The following NTRK3 variants were observed in gnomAD, a reference collection of about 807,000 sequenced individuals.
NTRK3 encodes the protein NT-3 growth factor receptor.
NTRK3 carries 24 observed loss-of-function variants against 91.7 expected under a neutral mutation model. The ratio of observed to expected loss-of-function variants is 0.26; its 90% confidence interval spans 0.19 to 0.37. The LOEUF (loss-of-function observed/expected upper bound fraction) is 0.37, where lower values mean the gene tolerates loss of function less well. Among genes scored for constraint, NTRK3 ranks in the 10% least tolerant of loss-of-function variants. The pLI, the probability that NTRK3 is intolerant of heterozygous loss-of-function variation, is 1.00. For synonymous variants in NTRK3, 483 were observed against 404.0 expected (o/e 1.20, Z -2.34); for missense variants, 880 against 1,068.9 (o/e 0.82, Z 2.46).
chr15:87,872,953 A>G (rs1034222764), exon 19 of NTRK3: 3 of 233,034 alleles, frequency 1.3e-5, no homozygotes, highest in Non-Finnish European at 2.5e-5. Context: ...AACTAATAGC[A>G]AAATCAGAAA....
At chr15:87,971,343 C>T (rs188208312) in intron 14 of NTRK3, among the ~76,000 whole-genome samples, 9 of 152,332 alleles carry the variant, frequency 5.9e-5, no homozygotes, top group African/African-American at 2.2e-4. Flanking sequence ...CTGTGCCCTC[C>T]TGGCCAGGGT....
At chr15:87,974,804 G>A (rs1280451354) in intron 14 of NTRK3, among the ~76,000 whole-genome samples, 2 of 152,296 alleles carry the variant, frequency 1.3e-5, no homozygotes, top group South Asian at 2.1e-4. Flanking sequence ...TGTCCCAAAA[G>A]TTCCAGAAGG....
chr15:87,946,384 G>A (rs1041598164), intron 14 of NTRK3: 2 of 152,234 alleles, frequency 1.3e-5, no homozygotes, highest in African/African-American at 4.8e-5. Flanking sequence ...TTATCCTGCT[G>A]TATGCCAAGC....
intron 13 of NTRK3, among the ~76,000 whole-genome samples, chr15:88,091,649 C>A (rs904026420): frequency 6.6e-6 from 1 of 152,096 alleles, no homozygotes; most frequent in African/African-American, 2.4e-5. Flanking sequence ...TTAGTGATGT[C>A]TGTCATGGGC....
intron 13 of NTRK3, chr15:88,072,864 C>A (rs1416254967): frequency 1.3e-5 from 3 of 232,556 alleles, no homozygotes; most frequent in African/African-American, 6.6e-5. Flanking sequence ...TATGCGTGTT[C>A]TTTTTCCTGG....
chr15:87,874,404 T>A (rs943609532), exon 19 of NTRK3: 1 of 230,292 alleles, frequency 4.3e-6, no homozygotes, highest in Admixed American at 5.7e-5. Flanking sequence ...AACTGCGGTC[T>A]CCTTCAGTGC....
At chr15:88,224,874 T>A (rs2050541201) in intron 3 of NTRK3, among the ~76,000 whole-genome samples, 1 of 152,220 alleles carries the variant, frequency 6.6e-6, no homozygotes, top group South Asian at 2.1e-4. Flanking sequence ...AGGCCCTCAC[T>A]CTTGGCACTG....
chr15:87,865,598 T>C lies in NTRK3; in HGVS notation c.*11337A>G, dbSNP rs1235614810. The C allele has an allele frequency of 1.4e-5, 3 of 217,182 alleles. No individual in the cohort carries two copies. In the East Asian group the frequency reaches 2.0e-4, roughly 15 times the overall value. 13.5% of individuals were successfully genotyped at this position (217,182 alleles called of 1,614,324 possible). ...TAAAAATCATTATCCCTTCAGATGC[T>C]CCCTGAAAAATTAGTTATACCACCA... is the stretch of plus-strand genomic sequence containing the variant. On this transcript the variant is annotated 3_prime_UTR_variant, in exon 19 of 19. Coordinates refer to ENST00000394480, the Ensembl canonical transcript of NTRK3.
chr15:88,055,975 A>C (rs2045636569), intron 13 of NTRK3, among the ~76,000 whole-genome samples: 1 of 152,048 alleles, frequency 6.6e-6, no homozygotes, highest in African/African-American at 2.4e-5. Flanking sequence ...ACTGGCAAAG[A>C]AAAGTGCCCC....
chr15:87,861,380 T>A (rs1392938926), exon 19 of NTRK3: 1 of 210,968 alleles, frequency 4.7e-6, no homozygotes, highest in East Asian at 7.1e-5. Context: ...AGCCTAGAGA[T>A]AAAGGGACAT....
chr15:87,936,100 C>A (rs759673816), intron 15 of NTRK3, among the ~76,000 whole-genome samples: 14 of 152,142 alleles, frequency 9.2e-5, no homozygotes, highest in Non-Finnish European at 1.5e-4. Flanking sequence ...TCCGTGGGGT[C>A]CACATTTAAC....
chr15:88,252,143 C>T (rs993688151), intron 3 of NTRK3, among the ~76,000 whole-genome samples: 4 of 152,134 alleles, frequency 2.6e-5, no homozygotes, highest in Non-Finnish European at 4.4e-5. Context: ...ATGTCAACAG[C>T]CCCTCACATT....
At chr15:88,018,456 C>G (rs1190898869) in intron 14 of NTRK3, among the ~76,000 whole-genome samples, 1 of 152,174 alleles carries the variant, frequency 6.6e-6, no homozygotes, top group African/African-American at 2.4e-5. Context: ...GAGTTTGAAT[C>G]CTGGCTCTAC....
intron 14 of NTRK3, among the ~76,000 whole-genome samples, chr15:87,943,752 G>A (rs1045299732): frequency 6.6e-6 from 1 of 152,066 alleles, no homozygotes; most frequent in African/African-American, 2.4e-5. Flanking sequence ...AGCATCCAGG[G>A]AGTGGTTTCT....
intron 17 of NTRK3, among the ~76,000 whole-genome samples, chr15:87,895,711 C>T (rs1379647164): frequency 1.3e-5 from 2 of 152,040 alleles, no homozygotes; most frequent in Admixed American, 6.6e-5. Context: ...ACAACCTGCT[C>T]GCTCTCTGAA....
intron 18 of NTRK3, among the ~76,000 whole-genome samples, chr15:87,877,376 A>G (rs1335021394): frequency 1.3e-5 from 2 of 152,008 alleles, no homozygotes; most frequent in African/African-American, 4.8e-5. Flanking sequence ...GCCCACATTG[A>G]CCATTGACTC....
At chr15:88,198,368 G>T (rs2048011727) in intron 3 of NTRK3, among the ~76,000 whole-genome samples, 1 of 152,160 alleles carries the variant, frequency 6.6e-6, no homozygotes, top group Non-Finnish European at 1.5e-5. Flanking sequence ...GAGCCATGGT[G>T]CCTCTCCCTG....
chr15:88,188,084 C>T (rs1337623190), intron 3 of NTRK3, among the ~76,000 whole-genome samples: 3 of 152,192 alleles, frequency 2.0e-5, no homozygotes, highest in Admixed American at 6.5e-5. Flanking sequence ...AACCCACTCC[C>T]GCTGTGGAGG....
At chr15:88,218,902 G>A (rs2050016172) in intron 3 of NTRK3, among the ~76,000 whole-genome samples, 2 of 152,232 alleles carry the variant, frequency 1.3e-5, no homozygotes, top group African/African-American at 4.8e-5. Context: ...AACCCAGCCA[G>A]TATTCCCTTT....
Sources: allele counts gnomAD v4.1 joint callset (sites outside exome capture counted in the v4.1 genomes callset), GRCh38; gene constraint gnomAD v4.1.1; transcripts MANE v1.5; gene names NCBI Gene and HGNC (gene_info 2026-07-23, HGNC 2026-07-21).